ADGRG7: variants seen among roughly 807,000 people sequenced by gnomAD.
The protein encoded by ADGRG7 is adhesion G protein-coupled receptor G7.
Under a neutral mutation model 88.6 loss-of-function variants are expected in ADGRG7, and 82 were observed. The observed-to-expected ratio is 0.93, with a 90% CI of 0.77 to 1.11. The LOEUF (loss-of-function observed/expected upper bound fraction) is 1.11. Among genes scored for constraint, ADGRG7 ranks in the 50% most tolerant of loss-of-function variants. The probability of loss-of-function intolerance (pLI) is 0.00; values close to 1 mark genes in which losing one functional copy is unlikely to be tolerated. For missense variants in ADGRG7, 945 were observed against 953.4 expected, an observed-to-expected ratio of 0.99 and a Z score of 0.12; for synonymous variants, 381 against 345.2, an observed-to-expected ratio of 1.10 and a Z score of -1.15.
rs181510223 is a variant in ADGRG7, at chr3:100,634,206, C to A, written c.447+829C>A. ...GCATGGAAGAGCTAACACTAGGGGA[C>A]AAGCAAGGGGGAGGAAGAGGAAACC... On this transcript the variant is annotated intron_variant, in intron 4 of 15. Transcript: ENST00000273352. 1.7e-3 allele frequency among the ~76,000 whole-genome samples: 262 copies of A among 152,252 alleles called. 1 individual carries two copies. In the Middle Eastern group the frequency reaches 0.024, roughly 14 times the overall value.
intron 6 of ADGRG7, 165 bp downstream of exon 6, chr3:100,637,567 C>G (rs1054458374): frequency 1.7e-6 from 1 of 593,034 alleles, no homozygotes; most frequent in Admixed American, 2.8e-5. Context: ...CCTTTAGTTA[C>G]TAGATGGAGT....
chr3:100,663,664 C>G (rs1165536), intron 14 of ADGRG7, among the ~76,000 whole-genome samples: 74,499 of 151,626 alleles, frequency 0.49, 20,207 homozygotes, highest in Middle Eastern at 0.64. Flanking sequence ...ATACAAAGAA[C>G]ATACGAATGG....
At chr3:100,678,662 G>A (rs2094968815) in intron 15 of ADGRG7, among the ~76,000 whole-genome samples, 1 of 152,210 alleles carries the variant, frequency 6.6e-6, no homozygotes, top group Admixed American at 6.5e-5. Flanking sequence ...GCTTTAGGGG[G>A]CACCCCAAGT....
chr3:100,610,183 G>A (rs916891651), intron 1 of ADGRG7, among the ~76,000 whole-genome samples: 8 of 152,198 alleles, frequency 5.3e-5, no homozygotes, highest in Admixed American at 2.0e-4. Flanking sequence ...GCAGGGGGAA[G>A]AGTGACATAA....
chr3:100,631,443 CT>C (rs1296282726), intron 3 of ADGRG7, among the ~76,000 whole-genome samples: 1 of 152,060 alleles, frequency 6.6e-6, no homozygotes, highest in Non-Finnish European at 1.5e-5. Context: ...TGAGTGTAGG[CT>C]TTAGGAATTC....
At chr3:100,625,846 T>C (rs549931092) in intron 1 of ADGRG7, among the ~76,000 whole-genome samples, 4 of 152,364 alleles carry the variant, frequency 2.6e-5, no homozygotes, top group African/African-American at 9.6e-5. Context: ...GATTTGCATA[T>C]GTTGAACCAG....
At chr3:100,629,299 A>C (rs987011641) in intron 1 of ADGRG7, among the ~76,000 whole-genome samples, 22 of 151,590 alleles carry the variant, frequency 1.5e-4, no homozygotes, top group African/African-American at 5.1e-4. Flanking sequence ...CTATCTATCT[A>C]TCTATCTATC....
chr3:100,687,590 T>A (rs992184766), intron 15 of ADGRG7, among the ~76,000 whole-genome samples: 2 of 151,920 alleles, frequency 1.3e-5, no homozygotes, highest in Non-Finnish European at 2.9e-5. Flanking sequence ...GCACGAAGGG[T>A]TGTTGAATTT....
In ADGRG7 at chr3:100,659,668, A is replaced by ATTTTTTTT; in HGVS notation, c.1824-17_1824-10dup. ...ATACCTTTCTTAGTCTGCTGAAGCA[A>ATTTTTTTT]TTTTTTTTTTCCTCCACAGCTGCTG... On this transcript the variant is annotated intron_variant, in intron 13 of 15. Transcript: ENST00000273352. 6.6e-7 allele frequency: 1 copy of ATTTTTTTT among 1,514,436 alleles called. No homozygotes were observed. Among genetic ancestry groups the ATTTTTTTT allele is most frequent in the Non-Finnish European group, 9.0e-7 (1 of 1,110,140 alleles). The allele number at this position is 1,514,436 out of a possible 1,614,324, so 93.8% of individuals were successfully genotyped here.
At chr3:100,630,226 T>A (rs1362302866) in intron 2 of ADGRG7, among the ~76,000 whole-genome samples, 1 of 152,168 alleles carries the variant, frequency 6.6e-6, no homozygotes, top group Non-Finnish European at 1.5e-5. Flanking sequence ...CATTTTTAAA[T>A]TTGAGGTGTG....
At chr3:100,625,320 A>T (rs1489826183) in intron 1 of ADGRG7, among the ~76,000 whole-genome samples, 1 of 152,058 alleles carries the variant, frequency 6.6e-6, no homozygotes, top group Non-Finnish European at 1.5e-5. Context: ...GTTCACTCAT[A>T]ATTTGGCTCC....
intron 8 of ADGRG7, among the ~76,000 whole-genome samples, chr3:100,644,343 T>C (rs1332150409): frequency 6.6e-6 from 1 of 152,210 alleles, no homozygotes; most frequent in African/African-American, 2.4e-5. Context: ...CACTCTGGAA[T>C]TTTGCTCTCA....
At chr3:100,693,843 G>T (rs2094997850) in intron 15 of ADGRG7, among the ~76,000 whole-genome samples, 1 of 152,118 alleles carries the variant, frequency 6.6e-6, no homozygotes, top group African/African-American at 2.4e-5. Flanking sequence ...TATTTCATCT[G>T]TCATTTCCAC....
rs575421023 is a variant in ADGRG7, at chr3:100,675,341, A to G, written c.2136+6236A>G. On this transcript the variant is annotated intron_variant, in intron 15 of 15. Transcript: ENST00000273352. The stretch of plus-strand genomic sequence containing the variant: ...TTTTATAAAATTTTTTTTAGCATCA[A>G]TTGAAACAATCATGTGGGTTTTGTC... Among the ~76,000 whole-genome samples the G allele has an allele frequency of 1.4e-3, 215 of 152,316 alleles. 1 individual carries two copies. Among genetic ancestry groups the G allele is most frequent in the African/African-American group, 4.9e-3 (202 of 41,580 alleles).
intron 14 of ADGRG7, among the ~76,000 whole-genome samples, chr3:100,667,832 AG>A (rs2094953750): frequency 6.6e-6 from 1 of 151,766 alleles, no homozygotes; most frequent in African/African-American, 2.4e-5. Context: ...GGGTATGAAA[AG>A]AAAAAAAAAA....
chr3:100,659,742 G>A lies in ADGRG7; in HGVS notation c.1878G>A (p.Trp626Ter). The A allele has an allele frequency of 2.5e-6, 4 of 1,614,052 alleles. No individual in the cohort carries two copies. Among genetic ancestry groups the A allele is most frequent in the Non-Finnish European group, 3.4e-6 (4 of 1,179,972 alleles). ...PNGVIKSPLL[W>*]SFIVPVTIIL... ...GTGTTATAAAAAGTCCGCTGTTGTG[G>A]TCATTCATCGTACCTGTAACCATTA... Residue 626 changes from tryptophan (W) to a stop codon, truncating the protein, a stop_gained, in exon 14 of 16, where the codon TGG becomes TGA. Transcript: ENST00000273352. LOFTEE classifies it high-confidence loss of function.
intron 4 of ADGRG7, 147 bp from the exon 5 acceptor site, chr3:100,635,530 A>C: frequency 4.1e-6 from 6 of 1,449,338 alleles, no homozygotes; most frequent in Non-Finnish European, 5.5e-6. Flanking sequence ...TTACACAAGG[A>C]AGGATGCAAA....
At chr3:100,640,556 C>A (rs894553247) in intron 6 of ADGRG7, among the ~76,000 whole-genome samples, 2 of 152,036 alleles carry the variant, frequency 1.3e-5, no homozygotes, top group African/African-American at 2.4e-5. Context: ...GAGTCTTGCT[C>A]TGTCACCCAG....
chr3:100,614,961 T>C (rs1056628520), intron 1 of ADGRG7, among the ~76,000 whole-genome samples: 1 of 152,154 alleles, frequency 6.6e-6, no homozygotes, highest in African/African-American at 2.4e-5. Flanking sequence ...TAAAAGAATA[T>C]AGGAAAATTA....
Sources: allele counts gnomAD v4.1 joint callset (sites outside exome capture counted in the v4.1 genomes callset), GRCh38; gene constraint gnomAD v4.1.1; transcripts MANE v1.5; gene names NCBI Gene and HGNC (gene_info 2026-07-23, HGNC 2026-07-21).